The following USP16 variants were observed in gnomAD, a reference collection of about 807,000 sequenced individuals.
USP16 encodes the protein ubiquitin carboxyl-terminal hydrolase 16.
Under a neutral mutation model 95.9 loss-of-function variants are expected in USP16, and 77 were observed. The ratio of observed to expected loss-of-function variants is 0.80; its 90% CI spans 0.67 to 0.97. USP16 has a LOEUF of 0.97. Among genes scored for constraint, USP16 ranks in the 50% least tolerant of loss-of-function variants. The pLI, the probability that USP16 is intolerant of heterozygous loss-of-function variation, is 0.00. For synonymous variants in USP16, 303 were observed against 318.2 expected (o/e 0.95, Z 0.51); for missense variants, 943 against 959.9 (o/e 0.98, Z 0.23).
Position 29,046,880 on chromosome 21 carries a change from A to G in USP16, c.1570A>G (p.Ser524Gly). ...GAATGGCCAAGCAAAAATGATCGAA[A>G]GTGTAACTGACAATCAAAAATCCAC... ...DLNGQAKMIE[S>G]VTDNQKSTEE... Residue 524 changes from serine (S) to glycine (G), a missense_variant, in exon 14 of 18, where the codon AGT becomes GGT. Physicochemically the swap from Ser to Gly is moderately conservative, Grantham distance 56 (BLOSUM62 0). Transcript: ENST00000399976. 6.2e-7 allele frequency: 1 copy of G among 1,614,196 alleles called. No homozygotes were observed. The highest frequency in any genetic ancestry group is 8.5e-7 in the Non-Finnish European group (1 of 1,180,034).
At chr21:29,050,608 A>G (rs1260606547) in intron 16 of USP16, among the ~76,000 whole-genome samples, 1 of 152,242 alleles carries the variant, frequency 6.6e-6, no homozygotes, top group Non-Finnish European at 1.5e-5. Context: ...ATGAATCAAG[A>G]TGAAATGAGT....
chr21:29,040,928 AAATTAT>A (rs1461212450), intron 10 of USP16, among the ~76,000 whole-genome samples: 3 of 152,228 alleles, frequency 2.0e-5, no homozygotes, highest in African/African-American at 7.2e-5. Flanking sequence ...CAAAAGCTTA[AAATTAT>A]AATTAGCAGT....
At chr21:29,030,849 G>A in intron 3 of USP16, 76 bp downstream of exon 3, 2 of 1,474,774 alleles carry the variant, frequency 1.4e-6, no homozygotes, top group Non-Finnish European at 1.8e-6. Context: ...TTACCTGAAA[G>A]TACAGTATGG....
At chr21:29,041,885 A>G in intron 10 of USP16, 128 bp from the exon 11 acceptor site, 1 of 708,558 alleles carries the variant, frequency 1.4e-6, no homozygotes, top group Non-Finnish European at 2.3e-6. Flanking sequence ...TGAATGGAGG[A>G]AGAAGTCTGT....
intron 2 of USP16, among the ~76,000 whole-genome samples, chr21:29,028,366 A>G (rs527777857): frequency 1.3e-4 from 20 of 150,024 alleles, no homozygotes; most frequent in African/African-American, 4.7e-4. Flanking sequence ...GCCTCAAGTG[A>G]TCCGCCTGCC....
chr21:29,036,687 A>G (rs1286210400), intron 5 of USP16, among the ~76,000 whole-genome samples: 1 of 152,250 alleles, frequency 6.6e-6, no homozygotes, highest in Non-Finnish European at 1.5e-5. Flanking sequence ...ATTTTGTAAT[A>G]GCAAGATTTC....
At position 29,039,018 on chromosome 21, in the gene USP16, AT is replaced by A. The variant is rs749572983; in HGVS notation, c.733-7del. ...ACTGAAGAAAGTAATTTCTTTTCCC[AT>A]ATTCAGGAACCATTAGAAATAAACC... On this transcript the variant is annotated splice_polypyrimidine_tract_variant and splice_region_variant and intron_variant, in intron 7 of 17. Transcript: ENST00000399976. 6.7e-7 allele frequency: 1 copy of A among 1,498,518 alleles called. No individual in the cohort carries two copies. The allele number at this position is 1,498,518 out of a possible 1,614,324, so 92.8% of individuals were successfully genotyped here. A position where few individuals can be genotyped will look rare whatever the true frequency, so the allele number is the denominator to read the frequency against.
chr21:29,046,486 A>G (rs546950721), intron 13 of USP16, among the ~76,000 whole-genome samples, 181 bp from the exon 14 acceptor site: 44 of 152,212 alleles, frequency 2.9e-4, no homozygotes, highest in Non-Finnish European at 3.8e-4. Context: ...ATAGCAAAGG[A>G]ACTTTTTAGG....
In USP16 at chr21:29,053,874, T is replaced by A; in HGVS notation, c.2266T>A (p.Ser756Thr). 1.2e-6 allele frequency: 2 copies of A among 1,614,184 alleles called. No homozygotes were observed. The highest frequency in any genetic ancestry group is 2.2e-5 in the South Asian group (2 of 91,082). The change falls in exon 17 of 18, where the codon TCG becomes ACG. Residue 756 changes from serine (S) to threonine (T), a missense_variant. Ser to Thr is a moderately conservative substitution (Grantham distance 58). Transcript: ENST00000399976. ...TGTTGAACACAGTGGTACTATGAGG[T>A]CGGGGCATTACACTGCCTATGCCAA... ...GVVEHSGTMR[S>T]GHYTAYAKAR...
chr21:29,027,848 A>G (rs1468021186), intron 1 of USP16, 25 bp from the exon 2 acceptor site: 1 of 1,579,304 alleles, frequency 6.3e-7, no homozygotes, highest in African/African-American at 1.4e-5. Context: ...TTTTTTGGTC[A>G]AGCTAACTTT....
intron 16 of USP16, among the ~76,000 whole-genome samples, chr21:29,051,061 T>C (rs2085406202): frequency 6.6e-6 from 1 of 152,100 alleles, no homozygotes. Context: ...TAATGATTGA[T>C]TGGCACTGTA....
Position 29,036,383 on chromosome 21 carries a change from A to T in USP16, c.448+9A>T. On this transcript the variant is annotated intron_variant, in intron 5 of 17. Transcript: ENST00000399976. The stretch of plus-strand genomic sequence containing the variant: ...TACAACTCCAAAGCCAGGTAAAATA[A>T]TTTGTTTCTTTAATATACACCAAAT... 6.2e-7 allele frequency: 1 copy of T among 1,612,688 alleles called. No individual in the cohort carries two copies. The highest frequency in any genetic ancestry group is 8.5e-7 in the Non-Finnish European group (1 of 1,179,114).
intron 7 of USP16, 70 bp from the exon 8 acceptor site, chr21:29,038,956 A>G: frequency 1.4e-6 from 2 of 1,396,108 alleles, no homozygotes; most frequent in South Asian, 1.8e-5. Flanking sequence ...TATGTTAACT[A>G]ATTAGATTTT....
chr21:29,025,830 C>T lies in USP16; in HGVS notation c.-42+1053C>T, dbSNP rs894166164. On this transcript the variant is annotated intron_variant, in intron 1 of 17. Transcript: ENST00000399976. ...GTATTTCTTCAGGACCTGCTATGTA[C>T]TAACATTATGCTAGATATTATAGGC... 3 of 612,246 alleles carry T rather than the reference C, an allele frequency of 4.9e-6. No individual in the cohort carries two copies. In the South Asian group the frequency reaches 2.1e-4, roughly 44 times the overall value. 37.9% of individuals were successfully genotyped at this position (612,246 alleles called of 1,614,324 possible). A position where few individuals can be genotyped will look rare whatever the true frequency, so the allele number is the denominator to read the frequency against.
intron 8 of USP16, 41 bp from the exon 9 acceptor site, chr21:29,039,440 T>C: frequency 6.3e-7 from 1 of 1,584,084 alleles, no homozygotes; most frequent in East Asian, 2.2e-5. Flanking sequence ...CAGAGCTTAG[T>C]AGACTGAAGA....
chr21:29,029,456 G>A (rs1431107078), intron 2 of USP16, among the ~76,000 whole-genome samples: 2 of 152,248 alleles, frequency 1.3e-5, no homozygotes, highest in Non-Finnish European at 2.9e-5. Context: ...TTTCTAGTTT[G>A]TATTTCTTTG....
chr21:29,027,045 G>A (rs778336319), intron 1 of USP16, among the ~76,000 whole-genome samples: 26 of 152,144 alleles, frequency 1.7e-4, no homozygotes, highest in Non-Finnish European at 1.8e-4. Flanking sequence ...CTCCCACATC[G>A]ATTAGAGTGA....
At chr21:29,029,277 G>A (rs1269276689) in intron 2 of USP16, among the ~76,000 whole-genome samples, 1 of 152,178 alleles carries the variant, frequency 6.6e-6, no homozygotes, top group African/African-American at 2.4e-5. Flanking sequence ...GCTGGGCGTG[G>A]TGGCGGGCGC....
chr21:29,037,470 T>G lies in USP16; in HGVS notation c.636+7T>G. The G allele has an allele frequency of 1.3e-6, 2 of 1,544,370 alleles. No individual in the cohort carries two copies. Among genetic ancestry groups the G allele is most frequent in the Non-Finnish European group, 1.7e-6 (2 of 1,149,274 alleles). On this transcript the variant is annotated splice_region_variant and intron_variant, in intron 6 of 17. Transcript: ENST00000399976. ...CTTCAATGCAGTTATGCAGGTACAT[T>G]GTCATTTTTTTCCCTTTAAAAAAGC...
Sources: allele counts gnomAD v4.1 joint callset (sites outside exome capture counted in the v4.1 genomes callset), GRCh38; gene constraint gnomAD v4.1.1; transcripts MANE v1.5; gene names NCBI Gene and HGNC (gene_info 2026-07-23, HGNC 2026-07-21).